KCNN2: variants seen among roughly 807,000 people sequenced by gnomAD.
KCNN2 encodes the protein potassium calcium-activated channel subfamily N member 2, also known as small conductance calcium-activated potassium channel protein 2.
A neutral mutation model predicts 55.5 loss-of-function variants in KCNN2; 24 were observed. The observed-to-expected ratio is 0.43, with a 90% CI of 0.31 to 0.61. The LOEUF (loss-of-function observed/expected upper bound fraction) is 0.61, where lower values mean the gene tolerates loss of function less well. KCNN2 is among the 20% of genes least tolerant of loss of function. The pLI, the probability that KCNN2 is intolerant of heterozygous loss-of-function variation, is 0.08. For missense variants in KCNN2, 754 were observed against 853.6 expected (o/e 0.88, Z 1.45); for synonymous variants, 431 against 336.1 (o/e 1.28, Z -3.09).
At chr5:114,337,061 T>C (rs907405100) in intron 2 of KCNN2, among the ~76,000 whole-genome samples, 1 of 152,176 alleles carries the variant, frequency 6.6e-6, no homozygotes, top group Admixed American at 6.5e-5. Context: ...GTAGTGAATA[T>C]ATTAGAGGTT....
rs116441190 is a variant in KCNN2 at position 114,480,304 on chromosome 5, G to A, written c.1891-6746G>A. Among the ~76,000 whole-genome samples the A allele has an allele frequency of 2.0e-4, 31 of 152,052 alleles. No individual in the cohort carries two copies. The South Asian group carries it at 3.5e-3, about 17-fold the overall frequency. On this transcript the variant is annotated intron_variant, in intron 5 of 7. Transcript: ENST00000673685. ...GGACACATAATACCCTCCTACGACC[G>A]AACCAAGAAGAAATTGAATTCCTGA...
upstream of KCNN2, among the ~76,000 whole-genome samples, chr5:114,358,297 G>A (rs533536539): frequency 3.6e-4 from 55 of 152,042 alleles, no homozygotes; most frequent in Non-Finnish European, 5.9e-4. Context: ...AAAAGTGGGC[G>A]AAGGAGATGA....
chr5:114,232,290 A>C (rs919930295), intron 2 of KCNN2, among the ~76,000 whole-genome samples: 9 of 151,324 alleles, frequency 5.9e-5, no homozygotes, highest in Non-Finnish European at 1.2e-4. Flanking sequence ...CACAATTTAT[A>C]ACATTAAATT....
intron 1 of KCNN2, among the ~76,000 whole-genome samples, chr5:114,176,069 A>G (rs943384561): frequency 2.0e-5 from 3 of 152,102 alleles, no homozygotes; most frequent in African/African-American, 7.2e-5. Context: ...TTTCTTTGCT[A>G]CTGTAGACCA....
At chr5:114,380,003 A>G (rs1475655135) in intron 2 of KCNN2, among the ~76,000 whole-genome samples, 1 of 151,336 alleles carries the variant, frequency 6.6e-6, no homozygotes, top group Non-Finnish European at 1.5e-5. Context: ...TACATAATTT[A>G]TTTTTTAATT....
intron 3 of KCNN2, among the ~76,000 whole-genome samples, chr5:114,455,475 C>G (rs1453307526): frequency 2.0e-5 from 3 of 152,198 alleles, no homozygotes; most frequent in Non-Finnish European, 4.4e-5. Flanking sequence ...TCACTTTTAT[C>G]TGGCTTTCCT....
At chr5:114,117,941 G>GTT (rs1306315003) in intron 1 of KCNN2, among the ~76,000 whole-genome samples, 2 of 152,118 alleles carry the variant, frequency 1.3e-5, no homozygotes, top group Non-Finnish European at 2.9e-5. Context: ...GCTCAGGGAG[G>GTT]TGAACTGGTT....
At chr5:114,463,495 C>A (rs1269978716) in intron 4 of KCNN2, among the ~76,000 whole-genome samples, 1 of 152,188 alleles carries the variant, frequency 6.6e-6, no homozygotes, top group Non-Finnish European at 1.5e-5. Flanking sequence ...AGACTGTGTC[C>A]TCCCATCTCC....
At chr5:114,367,108 A>G (rs1361688194) in intron 2 of KCNN2, among the ~76,000 whole-genome samples, 1 of 152,208 alleles carries the variant, frequency 6.6e-6, no homozygotes, top group Non-Finnish European at 1.5e-5. Context: ...TGGAAAGCAG[A>G]TCCGTGTGAC....
upstream of KCNN2, chr5:114,361,216 C>T (rs1046691308): frequency 7.2e-5 from 11 of 152,316 alleles, no homozygotes; most frequent in Admixed American, 3.3e-4. Flanking sequence ...GCCCGGCCGG[C>T]TCTGTCGGCA....
intron 5 of KCNN2, among the ~76,000 whole-genome samples, chr5:114,486,067 G>T (rs1423941039): frequency 6.6e-6 from 1 of 152,156 alleles, no homozygotes; most frequent in African/African-American, 2.4e-5. Flanking sequence ...CAAGTACGTA[G>T]AACCCGGTTA....
intron 2 of KCNN2, among the ~76,000 whole-genome samples, chr5:114,278,502 C>G (rs966236692): frequency 6.6e-6 from 1 of 152,262 alleles, no homozygotes; most frequent in Admixed American, 6.5e-5. Flanking sequence ...GCAGTGGGCT[C>G]CGCCCAGTTC....
At chr5:114,176,737 C>G (rs1179854176) in intron 1 of KCNN2, among the ~76,000 whole-genome samples, 31 of 152,054 alleles carry the variant, frequency 2.0e-4, no homozygotes. Context: ...ATTTGAGAAG[C>G]TAGGTATTCA....
At chr5:114,150,061 G>A (rs1290207481) in intron 1 of KCNN2, among the ~76,000 whole-genome samples, 6 of 152,134 alleles carry the variant, frequency 3.9e-5, no homozygotes, top group African/African-American at 1.2e-4. Context: ...CTGCATGTCC[G>A]TTCATAGGCT....
At chr5:114,323,063 G>A (rs1756643729) in intron 2 of KCNN2, among the ~76,000 whole-genome samples, 1 of 152,126 alleles carries the variant, frequency 6.6e-6, no homozygotes, top group Non-Finnish European at 1.5e-5. Context: ...GCAGTATTTG[G>A]TTTTCTGTTT....
chr5:114,368,584 G>T (rs569317016), intron 2 of KCNN2, among the ~76,000 whole-genome samples: 1 of 152,176 alleles, frequency 6.6e-6, no homozygotes, highest in Non-Finnish European at 1.5e-5. Flanking sequence ...TACTTCTACA[G>T]AGAGCAAACA....
intron 3 of KCNN2, among the ~76,000 whole-genome samples, chr5:114,443,440 G>C (rs1269935303): frequency 1.3e-5 from 2 of 152,118 alleles, no homozygotes; most frequent in Non-Finnish European, 2.9e-5. Flanking sequence ...AATGTTCATT[G>C]TTCTCATGTA....
At chr5:114,317,825 T>C (rs971802442) in intron 2 of KCNN2, among the ~76,000 whole-genome samples, 4 of 152,234 alleles carry the variant, frequency 2.6e-5, no homozygotes, top group African/African-American at 7.2e-5. Flanking sequence ...CTCACATATT[T>C]AGCAAAATGG....
chr5:114,139,707 A>G (rs530984042), intron 1 of KCNN2, among the ~76,000 whole-genome samples: 1 of 151,646 alleles, frequency 6.6e-6, no homozygotes, highest in Non-Finnish European at 1.5e-5. Flanking sequence ...TCACATATAC[A>G]CTTGTATATT....
Sources: gnomAD v4.1 joint callset for allele counts (sites outside exome capture counted in the v4.1 genomes callset) on GRCh38, gnomAD v4.1.1 for gene constraint, MANE v1.5 for transcripts, NCBI Gene and HGNC (gene_info 2026-07-23, HGNC 2026-07-21) for gene names.